TUBB3: variants seen among roughly 807,000 people sequenced by gnomAD.
TUBB3 encodes the protein tubulin beta-3 chain.
In TUBB3, 17 loss-of-function variants were observed where a neutral mutation model predicts 37.8. That is an observed-to-expected ratio of 0.45 (90% CI 0.31 to 0.67). The LOEUF (loss-of-function observed/expected upper bound fraction) is 0.67, where lower values mean the gene tolerates loss of function less well. TUBB3 is among the 30% of genes least tolerant of loss of function. The probability of loss-of-function intolerance (pLI) is 0.07; values close to 1 mark genes in which losing one functional copy is unlikely to be tolerated. For synonymous variants in TUBB3, 332 were observed against 278.9 expected, an observed-to-expected ratio of 1.19 and a Z score of -1.90; for missense variants, 262 against 657.9, an observed-to-expected ratio of 0.40 and a Z score of 6.58.
At chr16:89,931,344 C>G (rs917824855) in intron 1 of TUBB3, among the ~76,000 whole-genome samples, 13 of 152,242 alleles carry the variant, frequency 8.5e-5, no homozygotes, top group African/African-American at 3.1e-4. Flanking sequence ...TTTCTTGAGG[C>G]CTTCATACCC....
chr16:89,926,454 G>A (rs1402914585), intron 1 of TUBB3, among the ~76,000 whole-genome samples: 1 of 152,254 alleles, frequency 6.6e-6, no homozygotes, highest in Non-Finnish European at 1.5e-5. Context: ...CTTGGCCACT[G>A]CCCTCAAAGC....
intron 3 of TUBB3, chr16:89,933,863 G>C: frequency 1.5e-6 from 1 of 686,026 alleles, no homozygotes; most frequent in South Asian, 1.5e-5. Context: ...GGCCTCCAGA[G>C]GACTCCGGGG....
intron 1 of TUBB3, among the ~76,000 whole-genome samples, chr16:89,925,312 C>G (rs1254557366): frequency 6.6e-6 from 1 of 151,858 alleles, no homozygotes; most frequent in Non-Finnish European, 1.5e-5. Context: ...CCTGGCCGGG[C>G]ACGGTGGATG....
chr16:89,935,230 T>G lies in TUBB3; in HGVS notation c.779T>G (p.Phe260Cys). ...AAGCTGGCCGTCAACATGGTGCCCTTCCCGCGCCTGCACTTCTTCATGCCC... is the reference window on the plus strand; with the variant it reads ...AAGCTGGCCGTCAACATGGTGCCCTGCCCGCGCCTGCACTTCTTCATGCCC... ...LRKLAVNMVP[F>C]PRLHFFMPGF... Residue 260 changes from phenylalanine to cysteine, a missense_variant, in exon 4 of 4, where the codon TTC becomes TGC. By Grantham distance (205) the Phe-to-Cys change is radical. Coordinates refer to ENST00000315491, the MANE Select transcript of TUBB3 (RefSeq NM_006086.4). 6.2e-7 allele frequency: 1 copy of G among 1,613,836 alleles called. No homozygotes were observed. The highest frequency in any genetic ancestry group is 2.2e-5 in the East Asian group (1 of 44,882).
chr16:89,931,786 G>A (rs1014787345), intron 1 of TUBB3: 4 of 329,834 alleles, frequency 1.2e-5, no homozygotes, highest in African/African-American at 8.6e-5. Flanking sequence ...CCTGAGTCTA[G>A]GCTCCGCTCG....
At chr16:89,931,204 C>T (rs917136918) in intron 1 of TUBB3, among the ~76,000 whole-genome samples, 1 of 152,198 alleles carries the variant, frequency 6.6e-6, no homozygotes, top group Non-Finnish European at 1.5e-5. Flanking sequence ...GGGGTCCTCC[C>T]ACGTCAGCCT....
chr16:89,934,868 G>A lies in TUBB3; in HGVS notation c.417G>A (p.Leu139=), dbSNP rs769611014. The part of the protein sequence containing the change: ...CLQGFQLTHS[L]GGGTGSGMGT... ...AGGGCTTCCAGCTGACCCACTCGCTGGGGGGCGGCACGGGCTCCGGCATGG... is the reference window on the plus strand; with the variant it reads ...AGGGCTTCCAGCTGACCCACTCGCTAGGGGGCGGCACGGGCTCCGGCATGG... The change falls in exon 4 of 4, where the codon CTG becomes CTA. Residue 139 remains leucine, a synonymous_variant. Coordinates refer to ENST00000315491, the MANE Select transcript of TUBB3 (RefSeq NM_006086.4). The A allele has an allele frequency of 1.9e-6, 3 of 1,613,996 alleles. No individual in the cohort carries two copies. The highest frequency in any genetic ancestry group is 2.5e-6 in the Non-Finnish European group (3 of 1,180,026).
chr16:89,935,818 T>C lies in TUBB3; in HGVS notation c.*14T>C. On this transcript the variant is annotated 3_prime_UTR_variant, in exon 4 of 4. Coordinates refer to ENST00000315491, the MANE Select transcript of TUBB3 (RefSeq NM_006086.4). ...GGCCCCAAGTGAAGCTGCTCGCAGC[T>C]GGAGTGAGAGGCAGGTGGCGGCCGG... 1 of 1,609,452 alleles carries C rather than the reference T, an allele frequency of 6.2e-7. No homozygotes were observed. The highest frequency in any genetic ancestry group is 1.1e-5 in the South Asian group (1 of 90,966).
At chr16:89,933,979 C>G (rs1025563074) in intron 3 of TUBB3, 1 of 395,274 alleles carries the variant, frequency 2.5e-6, no homozygotes, top group Non-Finnish European at 4.2e-6. Context: ...TGTCCTGGGG[C>G]GGGGCCGTGG....
Position 89,934,751 on chromosome 16 carries a change from C to T in TUBB3, c.300C>T (p.Asn100=). Residue 100 remains asparagine (N), a synonymous_variant, in exon 4 of 4, where the codon AAC becomes AAT. Coordinates refer to ENST00000315491, the MANE Select transcript of TUBB3 (RefSeq NM_006086.4). The part of the protein sequence containing the change: ...FIFGQSGAGN[N]WAKGHYTEGA... ...CAGGTCAGAGTGGGGCCGGCAACAA[C>T]TGGGCCAAGGGTCACTACACGGAGG... is the stretch of plus-strand genomic sequence containing the variant. The T allele has an allele frequency of 6.2e-7, 1 of 1,614,152 alleles. No individual in the cohort carries two copies. The highest frequency in any genetic ancestry group is 8.5e-7 in the Non-Finnish European group (1 of 1,180,016).
At chr16:89,932,220 A>AAACT (rs1373113510) in intron 1 of TUBB3, 3 of 367,836 alleles carry the variant, frequency 8.2e-6, no homozygotes, top group Non-Finnish European at 1.6e-5. Flanking sequence ...GGGATAGTAA[A>AAACT]AACTAACCCT....
Position 89,935,867 on chromosome 16 carries a change from C to T in TUBB3, c.*63C>T, listed in dbSNP as rs1381769721. On this transcript the variant is annotated 3_prime_UTR_variant, in exon 4 of 4. Coordinates refer to ENST00000315491, the MANE Select transcript of TUBB3 (RefSeq NM_006086.4). ...GGGGCCGAAGCCAGCAGTGTCTAAA[C>T]CCCCGGAGCCATCTTGCTGCCGACA... is the stretch of plus-strand genomic sequence containing the variant. 3.2e-6 allele frequency: 5 copies of T among 1,541,412 alleles called. No homozygotes were observed. The highest frequency in any genetic ancestry group is 4.4e-6 in the Non-Finnish European group (5 of 1,140,198).
At chr16:89,932,422 A>G in intron 1 of TUBB3, 149 bp from the exon 2 acceptor site, 1 of 676,752 alleles carries the variant, frequency 1.5e-6, no homozygotes, top group Non-Finnish European at 2.7e-6. Context: ...CAGGTAACAG[A>G]GTGTGGGGCT....
chr16:89,928,224 T>C (rs1325252394), intron 1 of TUBB3, among the ~76,000 whole-genome samples: 5 of 151,670 alleles, frequency 3.3e-5, no homozygotes, highest in Non-Finnish European at 7.4e-5. Flanking sequence ...CCAACTAATT[T>C]TTTTGTTTTT....
At chr16:89,927,158 T>C (rs1169258045) in intron 1 of TUBB3, among the ~76,000 whole-genome samples, 1 of 152,008 alleles carries the variant, frequency 6.6e-6, no homozygotes, top group Non-Finnish European at 1.5e-5. Flanking sequence ...GTGGATCACC[T>C]GAGGTCAGCA....
intron 1 of TUBB3, 85 bp from the exon 2 acceptor site, chr16:89,932,486 T>C (rs2030311934): frequency 6.1e-6 from 7 of 1,147,950 alleles, no homozygotes; most frequent in African/African-American, 1.5e-5. Context: ...AATTTTGTAG[T>C]GAGGGCTAAA....
intron 1 of TUBB3, among the ~76,000 whole-genome samples, chr16:89,924,547 G>T (rs1567760760): frequency 2.0e-5 from 3 of 152,202 alleles, no homozygotes; most frequent in Admixed American, 2.0e-4. Context: ...GGAAGGAGGG[G>T]GTGCAGGAGA....
chr16:89,930,913 C>T (rs1360170450), intron 1 of TUBB3, among the ~76,000 whole-genome samples: 1 of 151,790 alleles, frequency 6.6e-6, no homozygotes, highest in Non-Finnish European at 1.5e-5. Flanking sequence ...CTGCAAGCTC[C>T]ACCTCCTGGG....
rs1235112003 is a variant in TUBB3 at position 89,932,988 on chromosome 16, G to C, written c.166+309G>C. ...GGAGGCCATAAGAGGGCCTAGAGAA[G>C]GGGTCACCTGGAGGGCTTAGTCAGG... is the stretch of plus-strand genomic sequence containing the variant. On this transcript the variant is annotated intron_variant, in intron 2 of 3. Coordinates refer to ENST00000315491, the MANE Select transcript of TUBB3 (RefSeq NM_006086.4). The C allele has an allele frequency of 2.0e-5, 10 of 509,148 alleles. No individual in the cohort carries two copies. The East Asian group carries it at 3.7e-4, about 19-fold the overall frequency. 31.5% of individuals were successfully genotyped at this position (509,148 alleles called of 1,614,324 possible). A position where few individuals can be genotyped will look rare whatever the true frequency, so the allele number is the denominator to read the frequency against.
Sources: gnomAD v4.1 joint callset for allele counts (sites outside exome capture counted in the v4.1 genomes callset) on GRCh38, gnomAD v4.1.1 for gene constraint, MANE v1.5 for transcripts, NCBI Gene and HGNC (gene_info 2026-07-23, HGNC 2026-07-21) for gene names.